The following TRPM6 variants were observed in gnomAD, a reference collection of about 807,000 sequenced individuals.
The protein encoded by TRPM6 is channel kinase 2.
A neutral mutation model predicts 247.6 loss-of-function variants in TRPM6; 111 were observed. The observed-to-expected ratio is 0.45, with a 90% confidence interval of 0.38 to 0.52. TRPM6 has a LOEUF of 0.52. Ranked by LOEUF, TRPM6 falls within the 20% of genes least tolerant of loss-of-function variation. The pLI is 0.00. For synonymous variants in TRPM6, 892 were observed against 853.8 expected, an observed-to-expected ratio of 1.04 and a Z score of -0.78; for missense variants, 2,126 against 2,421.5, an observed-to-expected ratio of 0.88 and a Z score of 2.56.
chr9:74,729,302 T>G (rs1019889199), intron 37 of TRPM6, among the ~76,000 whole-genome samples: 2 of 152,208 alleles, frequency 1.3e-5, no homozygotes, highest in Admixed American at 6.5e-5. Context: ...AAACTTCGCT[T>G]CTAAGGAATG....
intron 3 of TRPM6, among the ~76,000 whole-genome samples, chr9:74,843,811 T>C (rs1004320983): frequency 7.8e-6 from 1 of 128,954 alleles, no homozygotes; most frequent in African/African-American, 3.1e-5. Context: ...CAAGACTCCA[T>C]CTCAAAAAAA....
chr9:74,753,384 AAGAAG>A (rs995110033), intron 28 of TRPM6, among the ~76,000 whole-genome samples: 7 of 152,260 alleles, frequency 4.6e-5, no homozygotes, highest in Non-Finnish European at 8.8e-5. Context: ...AAAAGTATAC[AAGAAG>A]TATAAAAAAT....
At chr9:74,872,638 G>T (rs1170566052) in intron 1 of TRPM6, among the ~76,000 whole-genome samples, 1 of 146,984 alleles carries the variant, frequency 6.8e-6, no homozygotes, top group African/African-American at 2.6e-5. Flanking sequence ...GCGCGCACGT[G>T]TGTACATGTT....
chr9:74,767,557 T>A (rs1826868886), intron 25 of TRPM6, among the ~76,000 whole-genome samples: 1 of 152,192 alleles, frequency 6.6e-6, no homozygotes, highest in Non-Finnish European at 1.5e-5. Flanking sequence ...TCTCCCCTCT[T>A]TCCCATACCT....
chr9:74,787,191 T>C (rs1294496419), intron 20 of TRPM6, among the ~76,000 whole-genome samples: 1 of 151,826 alleles, frequency 6.6e-6, no homozygotes, highest in Non-Finnish European at 1.5e-5. Context: ...AAAAATTAGC[T>C]GGGTGTGGTG....
intron 1 of TRPM6, among the ~76,000 whole-genome samples, chr9:74,871,674 T>C (rs922379636): frequency 2.6e-5 from 4 of 152,000 alleles, no homozygotes; most frequent in East Asian, 3.9e-4. Context: ...TTCCCCTCCA[T>C]AGAGAGGTAC....
At chr9:74,837,741 C>T (rs1250088008) in intron 5 of TRPM6, among the ~76,000 whole-genome samples, 8 of 125,144 alleles carry the variant, frequency 6.4e-5, no homozygotes, top group East Asian at 2.4e-4. Context: ...CCACCACGCC[C>T]GGCCCCCTTT....
intron 6 of TRPM6, 146 bp downstream of exon 6, chr9:74,833,852 G>T: frequency 1.9e-6 from 2 of 1,053,740 alleles, no homozygotes; most frequent in East Asian, 2.7e-5. Context: ...TCTAAGACAG[G>T]GTGAGGGAAG....
chr9:74,775,662 C>T (rs1827191419), intron 24 of TRPM6, among the ~76,000 whole-genome samples: 1 of 152,156 alleles, frequency 6.6e-6, no homozygotes, highest in Non-Finnish European at 1.5e-5. Flanking sequence ...CTCTTCCTAC[C>T]TATCCCTTTC....
intron 19 of TRPM6, among the ~76,000 whole-genome samples, 189 bp downstream of exon 19, chr9:74,792,435 G>A (rs1301208062): frequency 6.6e-6 from 1 of 152,172 alleles, no homozygotes; most frequent in Non-Finnish European, 1.5e-5. Context: ...CAAAAAGTAG[G>A]TGAGCTCCAC....
chr9:74,773,905 C>T (rs4543605), intron 24 of TRPM6, among the ~76,000 whole-genome samples: 29,114 of 152,042 alleles, frequency 0.19, 4,251 homozygotes, highest in African/African-American at 0.41. Flanking sequence ...GTATCTCCCA[C>T]CCCCTACCCA....
intron 25 of TRPM6, among the ~76,000 whole-genome samples, chr9:74,764,189 C>A (rs1826751343): frequency 6.6e-6 from 1 of 151,224 alleles, no homozygotes; most frequent in South Asian, 2.1e-4. Context: ...CTGTACATTT[C>A]TTTGTAATTA....
intron 1 of TRPM6, among the ~76,000 whole-genome samples, chr9:74,872,512 C>T (rs1424385171): frequency 6.6e-6 from 1 of 152,160 alleles, no homozygotes; most frequent in African/African-American, 2.4e-5. Context: ...TTACTGCAAC[C>T]TCCGCCTCGC....
intron 37 of TRPM6, among the ~76,000 whole-genome samples, chr9:74,729,586 G>T (rs1006779571): frequency 1.3e-5 from 2 of 152,108 alleles, no homozygotes; most frequent in African/African-American, 4.8e-5. Context: ...TACAGCTCTG[G>T]GGGTATTTAC....
intron 14 of TRPM6, among the ~76,000 whole-genome samples, chr9:74,807,832 T>C (rs1828583274): frequency 6.6e-6 from 1 of 152,228 alleles, no homozygotes; most frequent in Non-Finnish European, 1.5e-5. Flanking sequence ...TTTAAGAGTT[T>C]CTAAACTTCT....
intron 23 of TRPM6, 166 bp from the exon 24 acceptor site, chr9:74,776,242 T>C: frequency 4.5e-6 from 3 of 664,742 alleles, no homozygotes; most frequent in Middle Eastern, 3.6e-4. Flanking sequence ...AAACAAAATA[T>C]ATTAGCTACC....
intron 17 of TRPM6, among the ~76,000 whole-genome samples, chr9:74,799,640 G>A (rs1828239410): frequency 6.6e-6 from 1 of 151,840 alleles, no homozygotes; most frequent in East Asian, 1.9e-4. Context: ...TTCTTACACC[G>A]AGAAAAAAAT....
intron 11 of TRPM6, among the ~76,000 whole-genome samples, chr9:74,815,410 A>C (rs1828891767): frequency 6.6e-6 from 1 of 152,220 alleles, no homozygotes; most frequent in Non-Finnish European, 1.5e-5. Flanking sequence ...ACACCCAAAC[A>C]TGTAAGTCCT....
intron 3 of TRPM6, among the ~76,000 whole-genome samples, chr9:74,854,141 C>T (rs933225553): frequency 9.2e-5 from 14 of 152,062 alleles, no homozygotes; most frequent in Non-Finnish European, 1.8e-4. Context: ...CTCAGTAACT[C>T]GTATTAGGAC....
Sources: allele counts gnomAD v4.1 joint callset (sites outside exome capture counted in the v4.1 genomes callset), GRCh38; gene constraint gnomAD v4.1.1; transcripts MANE v1.5; gene names NCBI Gene and HGNC (gene_info 2026-07-23, HGNC 2026-07-21).